The following ROBO2 variants were observed in gnomAD, a reference collection of about 807,000 sequenced individuals.
ROBO2 encodes the protein roundabout homolog 2.
Under a neutral mutation model 160.8 loss-of-function variants are expected in ROBO2, and 53 were observed. That is an observed-to-expected ratio of 0.33 (90% CI 0.26 to 0.41). ROBO2 has a LOEUF of 0.41. Among genes scored for constraint, ROBO2 ranks in the 10% least tolerant of loss-of-function variants. The pLI is 1.00. For missense variants in ROBO2, 1,577 were observed against 1,722.4 expected (o/e 0.92, Z 1.49); for synonymous variants, 664 against 611.7 (o/e 1.09, Z -1.26).
At chr3:77,083,085 T>TC in intron 1 of ROBO2, among the ~76,000 whole-genome samples, 1 of 152,018 alleles carries the variant, frequency 6.6e-6, no homozygotes, top group East Asian at 1.9e-4. Flanking sequence ...ATCTCATTTC[T>TC]CCCCCTGCAG....
chr3:77,016,802 T>G (rs2062293211), intron 2 of ROBO2, among the ~76,000 whole-genome samples: 2 of 152,208 alleles, frequency 1.3e-5, no homozygotes, highest in African/African-American at 4.8e-5. Flanking sequence ...TCTTGTACCA[T>G]GCTGCACTAA....
At chr3:76,632,826 G>T (rs1056458417) in intron 2 of ROBO2, among the ~76,000 whole-genome samples, 14 of 152,148 alleles carry the variant, frequency 9.2e-5, no homozygotes, top group African/African-American at 2.7e-4. Context: ...ACATTAGAAT[G>T]ATCCATCTCC....
At chr3:76,626,108 A>C (rs910518957) in intron 2 of ROBO2, among the ~76,000 whole-genome samples, 1 of 152,230 alleles carries the variant, frequency 6.6e-6, no homozygotes, top group Non-Finnish European at 1.5e-5. Flanking sequence ...AGAAGACTTT[A>C]AGAATAAGAT....
At chr3:76,124,142 ATTC>A (rs2070870050) in intron 2 of ROBO2, among the ~76,000 whole-genome samples, 1 of 152,112 alleles carries the variant, frequency 6.6e-6, no homozygotes, top group African/African-American at 2.4e-5. Context: ...AAAAGTTACT[ATTC>A]TTGAATTACA....
chr3:77,566,613 T>C (rs1364863916), intron 12 of ROBO2, among the ~76,000 whole-genome samples: 3 of 152,092 alleles, frequency 2.0e-5, no homozygotes, highest in Non-Finnish European at 4.4e-5. Flanking sequence ...TGATTGTATC[T>C]GGCAGACCTT....
chr3:77,426,448 T>C (rs1372471649), intron 2 of ROBO2, among the ~76,000 whole-genome samples: 2 of 151,984 alleles, frequency 1.3e-5, no homozygotes. Context: ...TGTTCAGAAA[T>C]CAGGCGTGAG....
rs1185097161 is a variant in ROBO2 at position 76,631,432 on chromosome 3, A to G, written c.110-466582A>G. ...TCTCTAGTGTACGGGTAGAAAAAAA[A>G]AAGTAAGTATTTTGCAGCCCAAGGG... is the stretch of plus-strand genomic sequence containing the variant. On this transcript the variant is annotated intron_variant, in intron 2 of 26. Coordinates refer to the ROBO2 transcript ENST00000487694. Among the ~76,000 whole-genome samples the G allele has an allele frequency of 3.3e-5, 5 of 152,200 alleles. No homozygotes were observed. The East Asian group carries it at 7.7e-4, about 23-fold the overall frequency.
intron 2 of ROBO2, among the ~76,000 whole-genome samples, chr3:77,229,665 C>T (rs76483909): frequency 7.5e-6 from 1 of 133,924 alleles, no homozygotes; most frequent in Non-Finnish European, 1.6e-5. Context: ...AGACTGTCTC[C>T]AAAAAAAAAA....
intron 2 of ROBO2, among the ~76,000 whole-genome samples, chr3:77,465,683 T>C (rs1265285749): frequency 6.6e-6 from 1 of 152,186 alleles, no homozygotes; most frequent in Non-Finnish European, 1.5e-5. Context: ...TTAAAATATT[T>C]ACATACTTTT....
At position 76,397,465 on chromosome 3, in the gene ROBO2, T is replaced by C. The variant is rs1445436712; in HGVS notation, c.109+459863T>C. Among the ~76,000 whole-genome samples, 27 of 151,952 alleles carry C rather than the reference T, an allele frequency of 1.8e-4. No homozygotes were observed. The East Asian group carries it at 4.6e-3, about 26-fold the overall frequency. ...AAAGCAATGGCAACAAAAGTCAAAA[T>C]TGACAAATGGGATCTAATTAAACTA... is the stretch of plus-strand genomic sequence containing the variant. On this transcript the variant is annotated intron_variant, in intron 2 of 26. Transcript: ENST00000487694.
At chr3:76,717,169 A>C (rs1012291229) in intron 2 of ROBO2, among the ~76,000 whole-genome samples, 2 of 152,120 alleles carry the variant, frequency 1.3e-5, no homozygotes, top group African/African-American at 4.8e-5. Flanking sequence ...GAATCTGTTC[A>C]TCATTTCTTC....
At chr3:76,080,064 G>A (rs1176184503) in intron 2 of ROBO2, among the ~76,000 whole-genome samples, 1 of 152,082 alleles carries the variant, frequency 6.6e-6, no homozygotes, top group Non-Finnish European at 1.5e-5. Context: ...GTAGAAACAT[G>A]ACACACTGAT....
intron 2 of ROBO2, among the ~76,000 whole-genome samples, chr3:76,120,744 A>G (rs2070716699): frequency 6.6e-6 from 1 of 152,160 alleles, no homozygotes; most frequent in South Asian, 2.1e-4. Context: ...AAGAAAATTT[A>G]CCAAGCTCAG....
intron 2 of ROBO2, among the ~76,000 whole-genome samples, chr3:76,583,263 C>CT (rs2085821028): frequency 6.6e-6 from 1 of 152,066 alleles, no homozygotes; most frequent in Non-Finnish European, 1.5e-5. Context: ...ATGAGTGATG[C>CT]TTAATAAATA....
At chr3:77,035,417 T>C (rs561304641), upstream of ROBO2, among the ~76,000 whole-genome samples, 70 of 152,060 alleles carry the variant, frequency 4.6e-4, no homozygotes, top group Middle Eastern at 6.8e-3. Context: ...ATCACCGAAC[T>C]CTTCGATCAA....
rs193162899 is a variant in ROBO2 at position 76,633,691 on chromosome 3, T to C, written c.110-464323T>C. Among the ~76,000 whole-genome samples the C allele has an allele frequency of 1.1e-3, 168 of 152,354 alleles. 1 individual carries two copies. The highest frequency in any genetic ancestry group is 3.9e-3 in the African/African-American group (162 of 41,590). On this transcript the variant is annotated intron_variant, in intron 2 of 26. Transcript: ENST00000487694. ...AGGGAAATAGTCTACGCCAGGCATG[T>C]CCTAAATGCTTTATGTGGATTAATC...
intron 2 of ROBO2, among the ~76,000 whole-genome samples, chr3:76,109,502 T>C (rs964011925): frequency 6.6e-6 from 1 of 151,976 alleles, no homozygotes; most frequent in Non-Finnish European, 1.5e-5. Context: ...GCAGACACCT[T>C]GGAGTCACCA....
At position 76,773,925 on chromosome 3, in the gene ROBO2, C is replaced by T. The variant is rs140921680; in HGVS notation, c.110-324089C>T. Among the ~76,000 whole-genome samples the T allele has an allele frequency of 8.5e-3, 1,286 of 150,876 alleles. 11 individuals are homozygous for T. Among genetic ancestry groups the T allele is most frequent in the African/African-American group, 0.03 (1,224 of 41,352 alleles). On this transcript the variant is annotated intron_variant, in intron 2 of 26. Coordinates refer to the ROBO2 transcript ENST00000487694. ...TAAATTACCATTTGAGGAACTGGAGCTGTGAAATTTGCTCCACTGGATATT... is the reference window on the plus strand; with the variant it reads ...TAAATTACCATTTGAGGAACTGGAGTTGTGAAATTTGCTCCACTGGATATT...
intron 2 of ROBO2, among the ~76,000 whole-genome samples, chr3:76,964,435 C>T (rs2079915896): frequency 6.6e-6 from 1 of 152,090 alleles, no homozygotes; most frequent in South Asian, 2.1e-4. Flanking sequence ...CTCCGCCTCC[C>T]TGGTTCAAGT....
Sources: allele counts gnomAD v4.1 joint callset (sites outside exome capture counted in the v4.1 genomes callset), GRCh38; gene constraint gnomAD v4.1.1; transcripts MANE v1.5; gene names NCBI Gene and HGNC (gene_info 2026-07-23, HGNC 2026-07-21).